Variants in DOCK1 observed in about 807,000 individuals in gnomAD.
DOCK1 encodes the protein dedicator of cytokinesis 1.
DOCK1 carries 138 observed loss-of-function variants against 262.7 expected under a neutral mutation model. The observed-to-expected ratio is 0.53, with a 90% CI of 0.46 to 0.61. The LOEUF (loss-of-function observed/expected upper bound fraction) is 0.61. DOCK1 is among the 20% of genes least tolerant of loss of function. The pLI is 0.00. For missense variants in DOCK1, 1,908 were observed against 2,370.7 expected (o/e 0.80, Z 4.05); for synonymous variants, 866 against 867.4 (o/e 1.00, Z 0.03).
intron 30 of DOCK1, among the ~76,000 whole-genome samples, chr10:127,339,742 G>A (rs1356195360): frequency 5.3e-5 from 3 of 56,372 alleles, no homozygotes; most frequent in Admixed American, 2.2e-4. Flanking sequence ...TGTGCATGCT[G>A]TAAGGATTGA....
intron 27 of DOCK1, among the ~76,000 whole-genome samples, chr10:127,149,382 A>C (rs2052248348): frequency 6.6e-6 from 1 of 152,100 alleles, no homozygotes; most frequent in Non-Finnish European, 1.5e-5. Flanking sequence ...AAATTGCATC[A>C]AGACCGTTTG....
At chr10:126,987,398 G>A (rs771989064) in intron 4 of DOCK1, 123 bp from the exon 5 acceptor site, 16 of 677,200 alleles carry the variant, frequency 2.4e-5, no homozygotes, top group Non-Finnish European at 3.5e-5. Context: ...AGTCTTATTT[G>A]TAGATTTTCT....
intron 7 of DOCK1, 41 bp downstream of exon 7, chr10:126,996,924 T>G (rs2040239700): frequency 2.6e-6 from 4 of 1,525,116 alleles, no homozygotes; most frequent in Non-Finnish European, 2.6e-6. Flanking sequence ...GTTTTCTCAG[T>G]AATAAGTTTT....
intron 1 of DOCK1, among the ~76,000 whole-genome samples, chr10:126,965,034 A>G (rs1408746076): frequency 6.6e-6 from 1 of 152,200 alleles, no homozygotes; most frequent in African/African-American, 2.4e-5. Flanking sequence ...GGGAAATCCA[A>G]TGATTAATAA....
At chr10:127,292,777 G>A (rs771691865) in intron 29 of DOCK1, among the ~76,000 whole-genome samples, 8 of 152,196 alleles carry the variant, frequency 5.3e-5, no homozygotes, top group Non-Finnish European at 5.9e-5. Flanking sequence ...TCCACCTGCA[G>A]TGATGGGCTT....
At chr10:127,323,265 G>A (rs563571503) in intron 29 of DOCK1, among the ~76,000 whole-genome samples, 2 of 152,236 alleles carry the variant, frequency 1.3e-5, no homozygotes, top group East Asian at 1.9e-4. Flanking sequence ...CCCCGTGGCC[G>A]CCCTGCCTGG....
chr10:127,057,306 T>A (rs2045227285), intron 22 of DOCK1, among the ~76,000 whole-genome samples: 1 of 152,230 alleles, frequency 6.6e-6, no homozygotes, highest in South Asian at 2.1e-4. Flanking sequence ...GATAAACTTT[T>A]GAGATCTTAT....
chr10:127,259,065 C>T (rs147596476), intron 29 of DOCK1, among the ~76,000 whole-genome samples: 38 of 152,260 alleles, frequency 2.5e-4, no homozygotes, highest in Middle Eastern at 3.4e-3. Flanking sequence ...ATGTTCACCC[C>T]GCGTCAGATG....
chr10:127,250,381 C>T (rs2498934), intron 28 of DOCK1, among the ~76,000 whole-genome samples: 1 of 152,350 alleles, frequency 6.6e-6, no homozygotes, highest in African/African-American at 2.4e-5. Context: ...TCTTTGCTCA[C>T]ATCCCAGGAT....
At position 127,452,430 on chromosome 10, in the gene DOCK1, T is replaced by C. The variant is rs1037745779; in HGVS notation, c.*1003T>C. The C allele has an allele frequency of 1.3e-5, 2 of 152,622 alleles. No individual in the cohort carries two copies. Among genetic ancestry groups the C allele is most frequent in the Non-Finnish European group, 2.9e-5 (2 of 68,034 alleles). 9.5% of individuals were successfully genotyped at this position (152,622 alleles called of 1,614,324 possible). On this transcript the variant is annotated 3_prime_UTR_variant, in exon 52 of 52. Transcript: ENST00000623213. Reference sequence around the variant, plus strand: ...AATATTTGTATTCTCTCATCTATATTTTTTTATTCACTATAATCATGATAC... The same window carrying C: ...AATATTTGTATTCTCTCATCTATATCTTTTTATTCACTATAATCATGATAC...
chr10:127,444,012 T>A (rs1345159340), intron 49 of DOCK1, 114 bp from the exon 50 acceptor site: 1 of 1,363,694 alleles, frequency 7.3e-7, no homozygotes, highest in Non-Finnish European at 9.9e-7. Context: ...TATTTCCAGT[T>A]AAGGTCATAT....
chr10:126,967,354 A>C (rs1024620733), intron 1 of DOCK1, among the ~76,000 whole-genome samples: 19 of 152,182 alleles, frequency 1.2e-4, no homozygotes, highest in Non-Finnish European at 2.4e-4. Context: ...AATTCCCTAC[A>C]TGGTTCTTGT....
rs1007997134 is a variant in DOCK1, at chr10:127,176,057, C to T, written c.2847+48293C>T. ...GGTCCAGAGGGAACGTCTGGTAACACTTCTTAAGGTCGGGCGAGGTCTGCA... is the reference window on the plus strand; with the variant it reads ...GGTCCAGAGGGAACGTCTGGTAACATTTCTTAAGGTCGGGCGAGGTCTGCA... On this transcript the variant is annotated intron_variant, in intron 27 of 51. Coordinates refer to ENST00000623213, the MANE Select transcript of DOCK1 (RefSeq NM_001290223.2). This position sits in a 1 kb window ranked among gnomAD's most constrained non-coding sequence, Gnocchi z 4.4. The T allele has an allele frequency of 3.1e-6, 5 of 1,614,102 alleles. No homozygotes were observed. The South Asian group carries it at 4.4e-5, about 14-fold the overall frequency.
intron 21 of DOCK1, 30 bp from the exon 22 acceptor site, chr10:127,052,651 C>T (rs1218626529): frequency 1.2e-6 from 2 of 1,613,482 alleles, no homozygotes; most frequent in Non-Finnish European, 1.7e-6. Flanking sequence ...CTTTCCTGAG[C>T]TTATTTGTGC....
At chr10:127,395,392 C>T (rs1476424885) in intron 38 of DOCK1, among the ~76,000 whole-genome samples, 1 of 152,132 alleles carries the variant, frequency 6.6e-6, no homozygotes, top group East Asian at 1.9e-4. Flanking sequence ...TCATCCCATT[C>T]ATGAGGGCTC....
chr10:127,342,783 A>C (rs1428246324), intron 30 of DOCK1, among the ~76,000 whole-genome samples: 5 of 151,732 alleles, frequency 3.3e-5, no homozygotes, highest in Non-Finnish European at 5.9e-5. Context: ...TAAACCGCAT[A>C]TATGTAGTCC....
At chr10:127,152,245 G>A (rs1171751465) in intron 27 of DOCK1, among the ~76,000 whole-genome samples, 1 of 152,180 alleles carries the variant, frequency 6.6e-6, no homozygotes, top group Non-Finnish European at 1.5e-5. Context: ...TTTTATGTCA[G>A]TGTTACAGCC....
chr10:126,991,670 T>C lies in DOCK1; in HGVS notation c.473+1067T>C, dbSNP rs1438563203. Among the ~76,000 whole-genome samples, 5 of 152,246 alleles carry C rather than the reference T, an allele frequency of 3.3e-5. No homozygotes were observed. The South Asian group carries it at 8.3e-4, about 25-fold the overall frequency. On this transcript the variant is annotated intron_variant, in intron 6 of 51. Coordinates refer to ENST00000623213, the MANE Select transcript of DOCK1 (RefSeq NM_001290223.2). ...TCAGCCTCCCGAATAGCTGGGATTA[T>C]AGGCATGCACCACCATGCCTGGCTA...
intron 45 of DOCK1, among the ~76,000 whole-genome samples, chr10:127,419,014 T>A (rs988686168): frequency 7.2e-5 from 11 of 152,212 alleles, no homozygotes; most frequent in African/African-American, 2.4e-4. Flanking sequence ...TGCCTGTGTT[T>A]GTAACTGCAG....
Sources: gnomAD v4.1 joint callset for allele counts (sites outside exome capture counted in the v4.1 genomes callset) on GRCh38, gnomAD v4.1.1 for gene constraint, Gnocchi (gnomAD v3.1) non-coding constraint, MANE v1.5 for transcripts, NCBI Gene and HGNC (gene_info 2026-07-23, HGNC 2026-07-21) for gene names.